The following SGMS1 variants were observed in gnomAD, a reference collection of about 807,000 sequenced individuals.
SGMS1 encodes sphingomyelin synthase 1.
Under a neutral mutation model 46.2 loss-of-function variants are expected in SGMS1, and 13 were observed. The ratio of observed to expected loss-of-function variants is 0.28; its 90% CI spans 0.18 to 0.45. The LOEUF (loss-of-function observed/expected upper bound fraction) is 0.45, where lower values mean the gene tolerates loss of function less well. Ranked by LOEUF, SGMS1 falls within the 20% of genes least tolerant of loss-of-function variation. The probability of loss-of-function intolerance (pLI) is 1.00; values close to 1 mark genes in which losing one functional copy is unlikely to be tolerated. For missense variants in SGMS1, 324 were observed against 519.9 expected (o/e 0.62, Z 3.66); for synonymous variants, 203 against 187.8 (o/e 1.08, Z -0.66).
At chr10:50,509,872 G>T (rs1366713486) in intron 3 of SGMS1, among the ~76,000 whole-genome samples, 1 of 152,110 alleles carries the variant, frequency 6.6e-6, no homozygotes, top group Non-Finnish European at 1.5e-5. Context: ...ATTTATTTTT[G>T]TTGGTGGTGT....
At chr10:50,546,126 C>T (rs1222412851) in intron 2 of SGMS1, among the ~76,000 whole-genome samples, 4 of 152,074 alleles carry the variant, frequency 2.6e-5, no homozygotes, top group Non-Finnish European at 5.9e-5. Context: ...CCTCTGCTCT[C>T]CTCACTCCTG....
intron 8 of SGMS1, among the ~76,000 whole-genome samples, chr10:50,316,491 T>G (rs965238488): frequency 6.6e-6 from 1 of 152,164 alleles, no homozygotes; most frequent in Non-Finnish European, 1.5e-5. Context: ...CCTCACAAGC[T>G]TGGATAAACC....
In SGMS1 at chr10:50,566,949, C is replaced by G. The variant is rs140864252; in HGVS notation, c.-589+23204G>C. Among the ~76,000 whole-genome samples the G allele has an allele frequency of 6.7e-3, 1,010 of 151,528 alleles. 11 individuals carry two copies. The highest frequency in any genetic ancestry group is 0.022 in the African/African-American group (914 of 41,084). On this transcript the variant is annotated intron_variant, in intron 2 of 10. Transcript: ENST00000361781. ...TGTTTTGTTTTGTTGTTGTTGTTGT[C>G]GTTGTTGTTGTTTTTGAGACAGAGT...
At chr10:50,499,431 A>T (rs1419850254) in intron 3 of SGMS1, among the ~76,000 whole-genome samples, 1 of 152,186 alleles carries the variant, frequency 6.6e-6, no homozygotes, top group Non-Finnish European at 1.5e-5. Flanking sequence ...CTGGTATACC[A>T]CTAAAAGTTA....
chr10:50,321,866 A>C (rs1328791960), intron 8 of SGMS1, among the ~76,000 whole-genome samples: 4 of 152,210 alleles, frequency 2.6e-5, no homozygotes, highest in Non-Finnish European at 5.9e-5. Context: ...GCCTTATAAG[A>C]CTGAACTTGT....
At chr10:50,372,624 T>C (rs1023212019) in intron 6 of SGMS1, among the ~76,000 whole-genome samples, 38 of 151,692 alleles carry the variant, frequency 2.5e-4, no homozygotes, top group African/African-American at 8.5e-4. Flanking sequence ...ACCCAGGAGG[T>C]GGAGCTTGCA....
intron 6 of SGMS1, among the ~76,000 whole-genome samples, chr10:50,429,096 C>G (rs985988705): frequency 6.6e-6 from 1 of 152,070 alleles, no homozygotes; most frequent in Admixed American, 6.6e-5. Context: ...AGGTGTATTG[C>G]TTTTGCACCA....
Position 50,346,227 on chromosome 10 carries a change from G to A in SGMS1, c.-231-1882C>T, listed in dbSNP as rs78303424. Among the ~76,000 whole-genome samples the A allele has an allele frequency of 8.1e-3, 1,230 of 152,296 alleles. 12 individuals carry two copies. Among genetic ancestry groups the A allele is most frequent in the African/African-American group, 0.028 (1,166 of 41,554 alleles). ...TTTAACTAAGAAATCATATGTGAAA[G>A]TTCATGAAACATAACCTAGCTCTAA... is the stretch of plus-strand genomic sequence containing the variant. On this transcript the variant is annotated intron_variant, in intron 6 of 10. Coordinates refer to ENST00000361781, the MANE Select transcript of SGMS1 (RefSeq NM_147156.4).
intron 3 of SGMS1, among the ~76,000 whole-genome samples, chr10:50,503,756 G>A (rs543572002): frequency 2.6e-4 from 40 of 152,242 alleles, no homozygotes; most frequent in Non-Finnish European, 5.3e-4. Context: ...GGCCTTAGAC[G>A]ACAAAGGCTA....
intron 5 of SGMS1, among the ~76,000 whole-genome samples, chr10:50,440,293 T>TA (rs200610877): frequency 0.035 from 5,174 of 149,662 alleles, 301 homozygotes; most frequent in African/African-American, 0.12. Flanking sequence ...TATATATATA[T>TA]TTTCTTTTAA....
At chr10:50,572,334 T>C (rs1242928662) in intron 2 of SGMS1, among the ~76,000 whole-genome samples, 1 of 152,014 alleles carries the variant, frequency 6.6e-6, no homozygotes, top group Non-Finnish European at 1.5e-5. Context: ...GAGGGAAGGG[T>C]GGTAACGAGG....
At chr10:50,438,180 T>C (rs1033107699) in intron 5 of SGMS1, among the ~76,000 whole-genome samples, 16 of 152,236 alleles carry the variant, frequency 1.1e-4, no homozygotes, top group African/African-American at 3.9e-4. Flanking sequence ...TTGATCTCTG[T>C]CTCTTCCTAT....
intron 6 of SGMS1, among the ~76,000 whole-genome samples, chr10:50,377,518 T>C (rs1468437699): frequency 6.6e-6 from 1 of 152,230 alleles, no homozygotes; most frequent in Non-Finnish European, 1.5e-5. Flanking sequence ...TCTTCTAATC[T>C]TTAGATGTAT....
intron 3 of SGMS1, among the ~76,000 whole-genome samples, chr10:50,496,890 C>T (rs919811087): frequency 2.0e-5 from 3 of 152,200 alleles, no homozygotes; most frequent in African/African-American, 7.2e-5. Context: ...CTTTTGGCAT[C>T]CAAGTAGTCC....
chr10:50,448,350 A>T (rs1837051909), intron 5 of SGMS1, among the ~76,000 whole-genome samples: 1 of 152,200 alleles, frequency 6.6e-6, no homozygotes, highest in African/African-American at 2.4e-5. Flanking sequence ...AAAATCACAA[A>T]TTCCCTTATT....
chr10:50,593,901 T>C (rs927668981), intron 1 of SGMS1, among the ~76,000 whole-genome samples: 21 of 152,234 alleles, frequency 1.4e-4, no homozygotes, highest in Non-Finnish European at 2.4e-4. Context: ...CTTTGAATAA[T>C]GCTGCCATTT....
At chr10:50,354,510 C>T (rs552581753) in intron 6 of SGMS1, among the ~76,000 whole-genome samples, 1 of 152,124 alleles carries the variant, frequency 6.6e-6, no homozygotes, top group African/African-American at 2.4e-5. Context: ...CTAGGCAATA[C>T]CATTCAGGAC....
intron 6 of SGMS1, among the ~76,000 whole-genome samples, chr10:50,404,896 G>A (rs1486955319): frequency 6.6e-6 from 1 of 152,076 alleles, no homozygotes; most frequent in East Asian, 1.9e-4. Flanking sequence ...AGTGAATAAA[G>A]AAGATCTGTA....
At chr10:50,352,680 AG>A (rs1848042376) in intron 6 of SGMS1, among the ~76,000 whole-genome samples, 1 of 152,180 alleles carries the variant, frequency 6.6e-6, no homozygotes, top group South Asian at 2.1e-4. Context: ...AATGCTTTTT[AG>A]GGCTCTCCCA....
Sources: allele counts gnomAD v4.1 joint callset (sites outside exome capture counted in the v4.1 genomes callset), GRCh38; gene constraint gnomAD v4.1.1; transcripts MANE v1.5; gene names NCBI Gene and HGNC (gene_info 2026-07-23, HGNC 2026-07-21).